Variants in ZNF264 observed in about 807,000 individuals in gnomAD.
ZNF264 encodes zinc finger protein 264.
ZNF264 carries 11 observed loss-of-function variants against 11.2 expected under a neutral mutation model. The ratio of observed to expected loss-of-function variants is 0.98; its 90% confidence interval spans 0.62 to 1.63. The LOEUF is 1.63. ZNF264 is among the 40% of genes most tolerant of loss of function. The pLI is 0.00. For missense variants in ZNF264, 752 were observed against 768.1 expected, an observed-to-expected ratio of 0.98 and a Z score of 0.25; for synonymous variants, 309 against 279.8, an observed-to-expected ratio of 1.10 and a Z score of -1.04.
In ZNF264 at chr19:57,222,776, A is replaced by G. The variant is rs1404823924; in HGVS notation, c.*9795A>G. ...ATGGCTTCAGTGGGGGAGAGATTTA[A>G]ATAATATGGGTTTATAATTTCTGCA... is the stretch of plus-strand genomic sequence containing the variant. On this transcript the variant is annotated 3_prime_UTR_variant, in exon 4 of 4. Transcript: ENST00000263095. 1.3e-5 allele frequency: 2 copies of G among 152,234 alleles called. No individual in the cohort carries two copies. Among genetic ancestry groups the G allele is most frequent in the Non-Finnish European group, 2.9e-5 (2 of 68,026 alleles). 9.4% of individuals were successfully genotyped at this position (152,234 alleles called of 1,614,324 possible). A position where few individuals can be genotyped will look rare whatever the true frequency, so the allele number is the denominator to read the frequency against.
Position 57,212,577 on chromosome 19 carries a change from C to G in ZNF264, c.1480C>G (p.Arg494Gly). Residue 494 changes from arginine (R) to glycine (G), a missense_variant, in exon 4 of 4, where the codon CGC becomes GGC. By Grantham distance (125) the Arg-to-Gly change is moderately radical (BLOSUM62 -2). Transcript: ENST00000263095. ...ECVECGKAFTRMSGLTRHKRI... is the reference protein window; with the variant it reads ...ECVECGKAFTGMSGLTRHKRI... ...CGTGGAGTGTGGAAAGGCCTTCACC[C>G]GCATGTCGGGCCTCACGAGGCACAA... 1.9e-6 allele frequency: 3 copies of G among 1,614,060 alleles called. No individual in the cohort carries two copies. Among genetic ancestry groups the G allele is most frequent in the Non-Finnish European group, 1.7e-6 (2 of 1,180,012 alleles).
In ZNF264 at chr19:57,212,775, A is replaced by T; in HGVS notation, c.1678A>T (p.Met560Leu). ...RSSSLTQHQRMHTGKNPISVT... is the reference protein window; with the variant it reads ...RSSSLTQHQRLHTGKNPISVT... ...CTCGTCCCTCACTCAGCATCAAAGGATGCATACTGGGAAAAATCCCATCAG... is the reference window on the plus strand; with the variant it reads ...CTCGTCCCTCACTCAGCATCAAAGGTTGCATACTGGGAAAAATCCCATCAG... Residue 560 changes from methionine (M) to leucine (L), a missense_variant, in exon 4 of 4, where the codon ATG becomes TTG. Coordinates refer to ENST00000263095, the MANE Select transcript of ZNF264 (RefSeq NM_003417.5). The T allele has an allele frequency of 6.2e-7, 1 of 1,614,126 alleles. No individual in the cohort carries two copies. Among genetic ancestry groups the T allele is most frequent in the Non-Finnish European group, 8.5e-7 (1 of 1,179,946 alleles).
Position 57,191,886 on chromosome 19 carries a change from C to G in ZNF264, c.-28C>G. ...TCAGGCCGCCCGGGGCTCCTCTGTC[C>G]CAGCTCTGCGGCCCAGGGGGTGACG... On this transcript the variant is annotated 5_prime_UTR_variant, in exon 1 of 4. Coordinates refer to ENST00000263095, the MANE Select transcript of ZNF264 (RefSeq NM_003417.5). The G allele has an allele frequency of 7.0e-7, 1 of 1,430,812 alleles. No individual in the cohort carries two copies. The highest frequency in any genetic ancestry group is 9.2e-7 in the Non-Finnish European group (1 of 1,088,732). 88.6% of individuals were successfully genotyped at this position (1,430,812 alleles called of 1,614,324 possible).
In ZNF264 at chr19:57,214,417, CA is replaced by C; in HGVS notation, c.*1437del. The stretch of plus-strand genomic sequence containing the variant: ...GGAGTGCAGTGGCACGATCTTGTCT[CA>C]CCATAGCCTTAAGTTCCTGGGCTCA... On this transcript the variant is annotated 3_prime_UTR_variant, in exon 4 of 4. Coordinates refer to ENST00000263095, the MANE Select transcript of ZNF264 (RefSeq NM_003417.5). 6.6e-6 allele frequency: 1 copy of C among 152,414 alleles called. No homozygotes were observed. Among genetic ancestry groups the C allele is most frequent in the East Asian group, 1.9e-4 (1 of 5,202 alleles). 9.4% of individuals were successfully genotyped at this position (152,414 alleles called of 1,614,324 possible).
At position 57,211,536 on chromosome 19, in the gene ZNF264, CAGG is replaced by C; in HGVS notation, c.442_444del (p.Glu148del). On this transcript the variant is annotated inframe_deletion, in exon 4 of 4. Transcript: ENST00000263095. The stretch of plus-strand genomic sequence containing the variant: ...ACACTTCAGACCAGGAATAGATCCC[CAGG>C]AGAAGTCTCCTGGGAAGATGAGCCC... The C allele has an allele frequency of 1.2e-6, 2 of 1,613,986 alleles. No homozygotes were observed. The highest frequency in any genetic ancestry group is 1.7e-6 in the Non-Finnish European group (2 of 1,180,002).
At chr19:57,199,214 A>G (rs2087233816) in intron 2 of ZNF264, among the ~76,000 whole-genome samples, 1 of 151,934 alleles carries the variant, frequency 6.6e-6, no homozygotes, top group Non-Finnish European at 1.5e-5. Flanking sequence ...TTCCCAATGT[A>G]TTAAATTTTT....
At chr19:57,200,931 T>C (rs1056840854) in intron 2 of ZNF264, among the ~76,000 whole-genome samples, 1 of 151,726 alleles carries the variant, frequency 6.6e-6, no homozygotes, top group Non-Finnish European at 1.5e-5. Flanking sequence ...TATAATAAAA[T>C]TTTTTTTATA....
chr19:57,217,713 AC>A lies in ZNF264; in HGVS notation c.*4733del, dbSNP rs1480374126. 1.3e-5 allele frequency: 2 copies of A among 151,180 alleles called. No homozygotes were observed. The highest frequency in any genetic ancestry group is 4.9e-5 in the African/African-American group (2 of 41,152). The allele number at this position is 151,180 out of a possible 1,614,324, so 9.4% of individuals were successfully genotyped here. ...CAGGTGTGAGCCACTGCACCCGGCC[AC>A]AAGATGTAATTTTTACTTTATCTCT... is the stretch of plus-strand genomic sequence containing the variant. On this transcript the variant is annotated 3_prime_UTR_variant, in exon 4 of 4. Transcript: ENST00000263095.
rs750644194 is a variant in ZNF264, at chr19:57,212,231, G to T, written c.1134G>T (p.Lys378Asn). ...EKPYECSECG[K>N]VFLESAALIH... ...CCTATGAGTGCAGTGAATGTGGGAA[G>T]GTCTTCTTGGAGAGTGCAGCCCTGA... The change falls in exon 4 of 4, where the codon AAG becomes AAT. Residue 378 changes from lysine to asparagine, a missense_variant. Coordinates refer to ENST00000263095, the MANE Select transcript of ZNF264 (RefSeq NM_003417.5). 2 of 1,613,978 alleles carry T rather than the reference G, an allele frequency of 1.2e-6. No homozygotes were observed. Among genetic ancestry groups the T allele is most frequent in the African/African-American group, 2.7e-5 (2 of 74,874 alleles).
intron 2 of ZNF264, among the ~76,000 whole-genome samples, chr19:57,195,455 A>G (rs912022169): frequency 2.0e-5 from 3 of 152,200 alleles, no homozygotes; most frequent in African/African-American, 4.8e-5. Flanking sequence ...TCTCCTGCAC[A>G]TTCTGTATTC....
In ZNF264 at chr19:57,212,306, G is replaced by A. The variant is rs1461116876; in HGVS notation, c.1209G>A (p.Glu403=). 3 of 1,613,208 alleles carry A rather than the reference G, an allele frequency of 1.9e-6. No homozygotes were observed. The highest frequency in any genetic ancestry group is 2.2e-5 in the South Asian group (2 of 91,030). ...HTGEKPFECL[E]CGKAFNHRSY... ...GAGAGAAGCCCTTTGAGTGCCTCGA[G>A]TGTGGGAAGGCTTTCAACCACCGAT... is the stretch of plus-strand genomic sequence containing the variant. Residue 403 remains glutamate (E), a synonymous_variant, in exon 4 of 4, where the codon GAG becomes GAA. Transcript: ENST00000263095.
Position 57,191,866 on chromosome 19 carries a change from C to G in ZNF264, c.-48C>G. The G allele has an allele frequency of 7.7e-7, 1 of 1,291,020 alleles. No homozygotes were observed. Among genetic ancestry groups the G allele is most frequent in the Non-Finnish European group, 9.8e-7 (1 of 1,017,760 alleles). The allele number at this position is 1,291,020 out of a possible 1,614,324, so 80.0% of individuals were successfully genotyped here. ...TCGGGCACAGGTGGGGTCCGTCAGG[C>G]CGCCCGGGGCTCCTCTGTCCCAGCT... On this transcript the variant is annotated 5_prime_UTR_variant, in exon 1 of 4. Transcript: ENST00000263095.
Position 57,211,754 on chromosome 19 carries a change from T to A in ZNF264, c.657T>A (p.Ala219=), listed in dbSNP as rs1203208857. ...GKVFNKKHLL[A]GHEKIHSGVK... ...TATTTAACAAGAAACACCTCCTTGC[T>A]GGACATGAGAAAATTCACTCTGGAG... Residue 219 remains alanine (A), a synonymous_variant, in exon 4 of 4, where the codon GCT becomes GCA. Coordinates refer to ENST00000263095, the MANE Select transcript of ZNF264 (RefSeq NM_003417.5). 4 of 1,614,100 alleles carry A rather than the reference T, an allele frequency of 2.5e-6. No individual in the cohort carries two copies. In the African/African-American group the frequency reaches 5.3e-5, roughly 22 times the overall value.
In ZNF264 at chr19:57,196,808, C is replaced by T. The variant is rs566081853; in HGVS notation, c.160+2807C>T. On this transcript the variant is annotated intron_variant, in intron 2 of 3. Transcript: ENST00000263095. ...CCCTCTTCCCCAGATTTCTTTGTCA[C>T]CAACTTTCCAGTCATCCTTCTTCGA... 2.9e-4 allele frequency among the ~76,000 whole-genome samples: 44 copies of T among 152,080 alleles called. No individual in the cohort carries two copies. In the South Asian group the frequency reaches 8.7e-3, roughly 30 times the overall value.
rs530677216 is a variant in ZNF264 at position 57,196,718 on chromosome 19, T to C, written c.160+2717T>C. The stretch of plus-strand genomic sequence containing the variant: ...AACCTTTCTCTGCTGAGGTCTTCCA[T>C]TGGTGAGCACTCACATGGGATACAG... On this transcript the variant is annotated intron_variant, in intron 2 of 3. Coordinates refer to ENST00000263095, the MANE Select transcript of ZNF264 (RefSeq NM_003417.5). Among the ~76,000 whole-genome samples the C allele has an allele frequency of 5.3e-5, 8 of 152,060 alleles. No homozygotes were observed. The East Asian group carries it at 5.8e-4, about 11-fold the overall frequency.
At chr19:57,207,346 C>G (rs570252508) in intron 3 of ZNF264, among the ~76,000 whole-genome samples, 1 of 152,250 alleles carries the variant, frequency 6.6e-6, no homozygotes, top group South Asian at 2.1e-4. Context: ...TCTTGTATTG[C>G]TTGATCAGCA....
rs747175686 is a variant in ZNF264, at chr19:57,193,896, G to A, written c.55G>A (p.Val19Met). ...CCAGGTGTCTGTGACCTTTGATGATGTGGCTGTGACTTTCACCAAGGAGGA... is the reference window on the plus strand; with the variant it reads ...CCAGGTGTCTGTGACCTTTGATGATATGGCTGTGACTTTCACCAAGGAGGA... ...RAQVSVTFDD[V>M]AVTFTKEEWG... Residue 19 changes from valine to methionine, a missense_variant, in exon 2 of 4, where the codon GTG becomes ATG. Val to Met is a conservative substitution (Grantham distance 21). Transcript: ENST00000263095. 2.9e-5 allele frequency: 46 copies of A among 1,613,992 alleles called. No individual in the cohort carries two copies. The highest frequency in any genetic ancestry group is 1.6e-4 in the Middle Eastern group (1 of 6,084).
In ZNF264 at chr19:57,212,559, T is replaced by A; in HGVS notation, c.1462T>A (p.Cys488Ser). 23 of 1,614,016 alleles carry A rather than the reference T, an allele frequency of 1.4e-5. No individual in the cohort carries two copies. The highest frequency in any genetic ancestry group is 1.9e-5 in the Non-Finnish European group (22 of 1,179,994). Reference protein sequence around the residue: ...TGEKPYECVECGKAFTRMSGL... With the variant: ...TGEKPYECVESGKAFTRMSGL... Reference sequence around the variant, plus strand: ...AGAGAAGCCCTATGAGTGCGTGGAGTGTGGAAAGGCCTTCACCCGCATGTC... The same window carrying A: ...AGAGAAGCCCTATGAGTGCGTGGAGAGTGGAAAGGCCTTCACCCGCATGTC... The change falls in exon 4 of 4, where the codon TGT becomes AGT. Residue 488 changes from cysteine to serine, a missense_variant. Coordinates refer to ENST00000263095, the MANE Select transcript of ZNF264 (RefSeq NM_003417.5).
intron 1 of ZNF264, chr19:57,192,614 G>A: frequency 4.1e-6 from 4 of 969,022 alleles, no homozygotes; most frequent in Non-Finnish European, 4.9e-6. Flanking sequence ...GACCCAGGGA[G>A]ATCCCAGAGG....
Sources: gnomAD v4.1 joint callset for allele counts (sites outside exome capture counted in the v4.1 genomes callset) on GRCh38, gnomAD v4.1.1 for gene constraint, MANE v1.5 for transcripts, NCBI Gene and HGNC (gene_info 2026-07-23, HGNC 2026-07-21) for gene names.